TTC28: variants seen among roughly 807,000 people sequenced by gnomAD.
TTC28 encodes tetratricopeptide repeat protein 28.
Under a neutral mutation model 198.0 loss-of-function variants are expected in TTC28, and 61 were observed. The observed-to-expected ratio is 0.31, with a 90% CI of 0.25 to 0.38. TTC28 has a LOEUF of 0.38. Among genes scored for constraint, TTC28 ranks in the 10% least tolerant of loss-of-function variants. TTC28 has a pLI of 1.00. For synonymous variants in TTC28, 1,171 were observed against 1,297.8 expected, an observed-to-expected ratio of 0.90 and a Z score of 2.10; for missense variants, 2,678 against 3,164.0, an observed-to-expected ratio of 0.85 and a Z score of 3.69.
chr22:28,379,845 T>G (rs2046468499), intron 2 of TTC28, among the ~76,000 whole-genome samples: 1 of 152,096 alleles, frequency 6.6e-6, no homozygotes, highest in Non-Finnish European at 1.5e-5. Context: ...ACAGCAGGCC[T>G]TCACTACAAG....
chr22:28,497,145 T>G (rs2048467406), intron 2 of TTC28, among the ~76,000 whole-genome samples: 1 of 152,188 alleles, frequency 6.6e-6, no homozygotes, highest in African/African-American at 2.4e-5. Context: ...TATCGACATC[T>G]AATATATTAA....
chr22:28,239,478 T>TA (rs1320640310), intron 5 of TTC28, among the ~76,000 whole-genome samples: 1 of 152,062 alleles, frequency 6.6e-6, no homozygotes, highest in African/African-American at 2.4e-5. Flanking sequence ...CTAAAATATA[T>TA]AGAGAAGCAA....
intron 2 of TTC28, among the ~76,000 whole-genome samples, chr22:28,581,285 C>T (rs1215860801): frequency 1.3e-5 from 2 of 152,144 alleles, no homozygotes; most frequent in Non-Finnish European, 2.9e-5. Flanking sequence ...TTCTAAGTTT[C>T]CTGAGGCCTC....
chr22:28,307,313 C>G (rs1044224841), intron 2 of TTC28, among the ~76,000 whole-genome samples: 2 of 152,150 alleles, frequency 1.3e-5, no homozygotes, highest in Admixed American at 6.5e-5. Context: ...CTCCTTCTAA[C>G]TAACTGCAGA....
At chr22:28,641,646 G>C (rs1312509293) in intron 1 of TTC28, among the ~76,000 whole-genome samples, 6 of 152,080 alleles carry the variant, frequency 3.9e-5, no homozygotes, top group Non-Finnish European at 8.8e-5. Flanking sequence ...ACTTTAAAAT[G>C]GTGACTTTTA....
chr22:28,055,758 C>T (rs944483879), intron 12 of TTC28, among the ~76,000 whole-genome samples: 3 of 152,046 alleles, frequency 2.0e-5, no homozygotes, highest in African/African-American at 7.2e-5. Context: ...CTCACCTACC[C>T]CACTCCCTTT....
intron 6 of TTC28, among the ~76,000 whole-genome samples, chr22:28,155,372 C>T (rs1026229229): frequency 6.6e-6 from 1 of 152,172 alleles, no homozygotes; most frequent in Admixed American, 6.5e-5. Context: ...TAAGGAGTTA[C>T]ACTCACTGAT....
intron 2 of TTC28, among the ~76,000 whole-genome samples, chr22:28,457,540 A>AACAG (rs2047880414): frequency 6.6e-6 from 1 of 152,222 alleles, no homozygotes. Context: ...ATCGACAAGT[A>AACAG]ACAGTCACAA....
At chr22:28,501,595 A>G (rs1278751376) in intron 2 of TTC28, among the ~76,000 whole-genome samples, 1 of 152,200 alleles carries the variant, frequency 6.6e-6, no homozygotes, top group Non-Finnish European at 1.5e-5. Context: ...AAGGTAATAG[A>G]TATCCCAAAT....
chr22:28,118,158 G>A (rs1311450592), intron 6 of TTC28, among the ~76,000 whole-genome samples: 1 of 152,154 alleles, frequency 6.6e-6, no homozygotes, highest in Non-Finnish European at 1.5e-5. Flanking sequence ...CAACACTTTG[G>A]GAGGCCAAGG....
intron 2 of TTC28, among the ~76,000 whole-genome samples, chr22:28,475,613 A>G (rs1406899757): frequency 6.6e-6 from 1 of 152,214 alleles, no homozygotes; most frequent in Non-Finnish European, 1.5e-5. Context: ...TAGTTAATCA[A>G]TCCATCAGTA....
At chr22:28,193,040 G>C (rs577825687) in intron 5 of TTC28, among the ~76,000 whole-genome samples, 1 of 152,312 alleles carries the variant, frequency 6.6e-6, no homozygotes, top group South Asian at 2.1e-4. Flanking sequence ...CAGCCAGAGA[G>C]AAAGGTCGGG....
At chr22:28,048,598 C>T (rs1939959009) in intron 12 of TTC28, among the ~76,000 whole-genome samples, 1 of 152,172 alleles carries the variant, frequency 6.6e-6, no homozygotes, top group African/African-American at 2.4e-5. Context: ...CTTCCAAGAA[C>T]TAGCACATCG....
chr22:28,104,452 T>C (rs570984802), intron 8 of TTC28, among the ~76,000 whole-genome samples: 1 of 152,320 alleles, frequency 6.6e-6, no homozygotes, highest in African/African-American at 2.4e-5. Context: ...TTGCTTGAAA[T>C]CAGTAACCAT....
At chr22:28,394,108 T>G (rs1211162741) in intron 2 of TTC28, among the ~76,000 whole-genome samples, 1 of 152,114 alleles carries the variant, frequency 6.6e-6, no homozygotes. Flanking sequence ...CATTTTTAAT[T>G]TAATATAATC....
intron 5 of TTC28, among the ~76,000 whole-genome samples, chr22:28,165,936 C>T (rs1236649547): frequency 6.6e-6 from 1 of 152,140 alleles, no homozygotes; most frequent in Non-Finnish European, 1.5e-5. Context: ...GGAAACCCAT[C>T]TCACATGCAG....
intron 6 of TTC28, among the ~76,000 whole-genome samples, chr22:28,144,829 C>T (rs779830893): frequency 4.6e-5 from 7 of 152,302 alleles, no homozygotes; most frequent in Middle Eastern, 3.4e-3. Context: ...GGGGAATATG[C>T]GAAGGGTGCG....
chr22:28,210,160 G>A (rs975418233), intron 5 of TTC28, among the ~76,000 whole-genome samples: 8 of 152,046 alleles, frequency 5.3e-5, no homozygotes, highest in African/African-American at 1.9e-4. Flanking sequence ...AAAGACCAAA[G>A]GTAGATAAAA....
At chr22:28,069,996 T>G (rs1267954535) in intron 12 of TTC28, among the ~76,000 whole-genome samples, 1 of 151,778 alleles carries the variant, frequency 6.6e-6, no homozygotes, top group Non-Finnish European at 1.5e-5. Flanking sequence ...TCCATTGTAC[T>G]CTGGTATTAA....
Sources: allele counts gnomAD v4.1 joint callset (sites outside exome capture counted in the v4.1 genomes callset), GRCh38; gene constraint gnomAD v4.1.1; transcripts MANE v1.5; gene names NCBI Gene and HGNC (gene_info 2026-07-23, HGNC 2026-07-21).